The following PANX1 variants were observed in gnomAD, a reference collection of about 807,000 sequenced individuals.
PANX1 encodes the protein pannexin-1.
Under a neutral mutation model 38.7 loss-of-function variants are expected in PANX1, and 30 were observed. The ratio of observed to expected loss-of-function variants is 0.78; its 90% CI spans 0.58 to 1.05. The LOEUF (loss-of-function observed/expected upper bound fraction) is 1.05, where lower values mean the gene tolerates loss of function less well. Among genes scored for constraint, PANX1 ranks in the 50% least tolerant of loss-of-function variants. The pLI is 0.00. For synonymous variants in PANX1, 230 were observed against 212.2 expected, an observed-to-expected ratio of 1.08 and a Z score of -0.73; for missense variants, 551 against 517.2, an observed-to-expected ratio of 1.07 and a Z score of -0.63.
At chr11:94,168,601 T>C (rs1313162711) in intron 2 of PANX1, among the ~76,000 whole-genome samples, 6 of 151,132 alleles carry the variant, frequency 4.0e-5, no homozygotes, top group Non-Finnish European at 7.4e-5. Flanking sequence ...TAGTCGAAAG[T>C]GACATCAAGG....
At chr11:94,169,020 C>T (rs1947134293) in intron 2 of PANX1, among the ~76,000 whole-genome samples, 1 of 151,628 alleles carries the variant, frequency 6.6e-6, no homozygotes, top group African/African-American at 2.4e-5. Flanking sequence ...TCAAAGAGTT[C>T]TGCTTGAACA....
intron 2 of PANX1, among the ~76,000 whole-genome samples, chr11:94,160,931 ATC>A (rs1237254731): frequency 6.6e-6 from 1 of 152,100 alleles, no homozygotes; most frequent in Non-Finnish European, 1.5e-5. Context: ...TGGTGACAAA[ATC>A]TCTCAGCATT....
intron 1 of PANX1, among the ~76,000 whole-genome samples, chr11:94,149,886 T>C (rs1337870127): frequency 6.6e-6 from 1 of 152,202 alleles, no homozygotes; most frequent in Non-Finnish European, 1.5e-5. Context: ...CAGATGTTAC[T>C]TGGTACACAA....
intron 2 of PANX1, among the ~76,000 whole-genome samples, chr11:94,176,686 C>T (rs900473984): frequency 3.3e-5 from 5 of 151,664 alleles, no homozygotes; most frequent in East Asian, 1.9e-4. Flanking sequence ...ATCATGGCCT[C>T]GTCCATTACA....
chr11:94,130,345 C>T (rs1333604961), intron 1 of PANX1, among the ~76,000 whole-genome samples: 1 of 152,090 alleles, frequency 6.6e-6, no homozygotes, highest in African/African-American at 2.4e-5. Context: ...GGAGTAAGAC[C>T]TTTGTTAAGG....
At chr11:94,149,539 G>A (rs189678860) in intron 1 of PANX1, among the ~76,000 whole-genome samples, 2 of 152,200 alleles carry the variant, frequency 1.3e-5, no homozygotes, top group Non-Finnish European at 2.9e-5. Flanking sequence ...TATTTGGCCA[G>A]ACGTACATAA....
At chr11:94,151,656 T>G (rs868108052) in intron 1 of PANX1, among the ~76,000 whole-genome samples, 7 of 152,336 alleles carry the variant, frequency 4.6e-5, no homozygotes, top group Middle Eastern at 3.4e-3. Flanking sequence ...CCGTGTGAGC[T>G]TAGTGCCAAG....
chr11:94,139,285 T>C (rs2134478832), intron 1 of PANX1, among the ~76,000 whole-genome samples: 1 of 152,242 alleles, frequency 6.6e-6, no homozygotes, highest in Admixed American at 6.5e-5. Flanking sequence ...AGCTCAGCAA[T>C]CTAAGTGAGT....
At chr11:94,156,403 A>G (rs998446480) in intron 2 of PANX1, among the ~76,000 whole-genome samples, 8 of 152,242 alleles carry the variant, frequency 5.3e-5, no homozygotes, top group African/African-American at 1.9e-4. Context: ...AGCTCTTGCC[A>G]GATTCACAAG....
At chr11:94,151,351 TGAAGCACTCTTTCCTATAGAAA>T (rs906059039) in intron 1 of PANX1, among the ~76,000 whole-genome samples, 2 of 152,182 alleles carry the variant, frequency 1.3e-5, no homozygotes, top group African/African-American at 4.8e-5. Context: ...AGATAGAGCT[TGAAGCACTCTTTCCTATAGAAA>T]GAATGTTAAT....
At chr11:94,137,609 A>G (rs1302693695) in intron 1 of PANX1, among the ~76,000 whole-genome samples, 3 of 148,700 alleles carry the variant, frequency 2.0e-5, no homozygotes, top group Non-Finnish European at 3.0e-5. Context: ...ACTTGGGGAG[A>G]AGGGGGCCTA....
intron 1 of PANX1, among the ~76,000 whole-genome samples, chr11:94,150,639 C>T (rs112119240): frequency 0.043 from 6,532 of 152,122 alleles, 471 homozygotes; most frequent in African/African-American, 0.15. Context: ...CCAGCTGTGC[C>T]GGTCCCCTGT....
chr11:94,162,440 C>T (rs1025296240), intron 2 of PANX1, among the ~76,000 whole-genome samples: 5 of 152,214 alleles, frequency 3.3e-5, no homozygotes, highest in Admixed American at 2.6e-4. Flanking sequence ...CCCCCAGCCT[C>T]GCTGCCACCT....
chr11:94,172,074 A>G (rs779010812), intron 2 of PANX1, among the ~76,000 whole-genome samples: 18 of 151,680 alleles, frequency 1.2e-4, no homozygotes, highest in Non-Finnish European at 2.2e-4. Context: ...TATTTCTCTT[A>G]AGTAGACTCA....
intron 1 of PANX1, among the ~76,000 whole-genome samples, chr11:94,133,209 G>A (rs1946651298): frequency 1.3e-5 from 2 of 152,196 alleles, no homozygotes; most frequent in Non-Finnish European, 2.9e-5. Flanking sequence ...AGCAGTTCAC[G>A]CAGGTCCTGC....
In PANX1 at chr11:94,130,452, G is replaced by GGGTTCC. The variant is rs1182850148; in HGVS notation, c.181+959_181+960insGGTTCC. On this transcript the variant is annotated intron_variant, in intron 1 of 4. Coordinates refer to ENST00000227638, the MANE Select transcript of PANX1 (RefSeq NM_015368.4). ...GGATAAGTCAGAGTTCCTGGAGTCT[G>GGGTTCC]AGAGTGAATATGGGCCTGGGTCAGC... is the stretch of plus-strand genomic sequence containing the variant. 2.0e-5 allele frequency among the ~76,000 whole-genome samples: 3 copies of GGGTTCC among 152,250 alleles called. No individual in the cohort carries two copies. In the East Asian group the frequency reaches 5.8e-4, roughly 29 times the overall value.
chr11:94,144,869 C>G (rs367724508), intron 1 of PANX1, among the ~76,000 whole-genome samples: 1 of 152,024 alleles, frequency 6.6e-6, no homozygotes, highest in Non-Finnish European at 1.5e-5. Context: ...CTTTATTTCT[C>G]CTCTGTAAAA....
chr11:94,139,593 C>T (rs567535602), intron 1 of PANX1, among the ~76,000 whole-genome samples: 5 of 152,316 alleles, frequency 3.3e-5, no homozygotes, highest in Admixed American at 1.3e-4. Context: ...GCCAAGGGAA[C>T]CAACTATGTG....
At chr11:94,156,792 T>C (rs1402749398) in intron 2 of PANX1, among the ~76,000 whole-genome samples, 4 of 151,894 alleles carry the variant, frequency 2.6e-5, no homozygotes, top group African/African-American at 9.7e-5. Context: ...TTGTTACATA[T>C]GTATACTTGT....
Sources: allele counts gnomAD v4.1 joint callset (sites outside exome capture counted in the v4.1 genomes callset), GRCh38; gene constraint gnomAD v4.1.1; transcripts MANE v1.5; gene names NCBI Gene and HGNC (gene_info 2026-07-23, HGNC 2026-07-21).